PSD3: variants seen among roughly 807,000 people sequenced by gnomAD.
PSD3 encodes PH and SEC7 domain-containing protein 3.
PSD3 carries 49 observed loss-of-function variants against 105.5 expected under a neutral mutation model. The ratio of observed to expected loss-of-function variants is 0.46; its 90% confidence interval spans 0.37 to 0.59. PSD3 has a LOEUF of 0.59. PSD3 is among the 20% of genes least tolerant of loss of function. The pLI is 0.00. For synonymous variants in PSD3, 557 were observed against 457.8 expected (o/e 1.22, Z -2.77); for missense variants, 1,561 against 1,263.8 (o/e 1.24, Z -3.57).
chr8:18,932,410 A>C (rs1407352134), intron 2 of PSD3, among the ~76,000 whole-genome samples: 1 of 152,182 alleles, frequency 6.6e-6, no homozygotes, highest in Non-Finnish European at 1.5e-5. Context: ...TCTAAAAAGC[A>C]AGTTTAGGAC....
Position 18,530,746 on chromosome 8 carries a change from T to C in PSD3, c.*4997A>G, listed in dbSNP as rs1457368376. 2 of 151,980 alleles carry C rather than the reference T, an allele frequency of 1.3e-5. No individual in the cohort carries two copies. The highest frequency in any genetic ancestry group is 2.9e-5 in the Non-Finnish European group (2 of 68,002). 9.4% of individuals were successfully genotyped at this position (151,980 alleles called of 1,614,324 possible). ...AAATTACAGGGAGCTATGCCCTTGG[T>C]ATTGCACACAGTACACTGCAAAAGA... On this transcript the variant is annotated 3_prime_UTR_variant, in exon 16 of 16. Transcript: ENST00000327040.
intron 11 of PSD3, among the ~76,000 whole-genome samples, chr8:18,617,446 G>A (rs13264915): frequency 0.5 from 76,380 of 151,920 alleles, 19,625 homozygotes; most frequent in Middle Eastern, 0.69. Context: ...AAGGTGAATC[G>A]CTTGAACTTG....
Position 18,556,292 on chromosome 8 carries a change from G to A in PSD3, c.2845C>T (p.His949Tyr). 2.5e-6 allele frequency: 4 copies of A among 1,613,986 alleles called. No individual in the cohort carries two copies. Among genetic ancestry groups the A allele is most frequent in the Non-Finnish European group, 3.4e-6 (4 of 1,179,946 alleles). The change falls in exon 15 of 16, where the codon CAC becomes TAC. Residue 949 changes from histidine to tyrosine, a missense_variant. Transcript: ENST00000327040. ...TTCTTGTCGGGGGGATATGAGCGGT[G>A]CTCGGCCAGCTCGGTGGTGATCTGC... The part of the protein sequence containing the change: ...LKQITTELAE[H>Y]RSYPPDKKVK...
At chr8:18,726,297 T>C (rs929992243) in intron 9 of PSD3, among the ~76,000 whole-genome samples, 1 of 152,232 alleles carries the variant, frequency 6.6e-6, no homozygotes, top group Admixed American at 6.5e-5. Context: ...GCCAGAGACA[T>C]TAAGTTACTG....
chr8:18,578,005 A>T (rs148886318), intron 12 of PSD3, among the ~76,000 whole-genome samples: 28 of 152,180 alleles, frequency 1.8e-4, no homozygotes, highest in African/African-American at 6.7e-4. Flanking sequence ...TAGGTATAGA[A>T]CTGGATATAG....
chr8:18,820,210 T>A (rs1169451786), intron 4 of PSD3, among the ~76,000 whole-genome samples: 1 of 151,084 alleles, frequency 6.6e-6, no homozygotes, highest in Non-Finnish European at 1.5e-5. Context: ...TTTAACACCA[T>A]TTTCTCCAAG....
chr8:18,829,182 G>A (rs1813472511), intron 4 of PSD3, among the ~76,000 whole-genome samples: 1 of 152,198 alleles, frequency 6.6e-6, no homozygotes, highest in Non-Finnish European at 1.5e-5. Context: ...ACAGGCTGTA[G>A]TAAGCTGTGA....
At chr8:18,536,349 TC>T (rs955040694) in intron 15 of PSD3, among the ~76,000 whole-genome samples, 2 of 152,124 alleles carry the variant, frequency 1.3e-5, no homozygotes, top group Admixed American at 6.5e-5. Flanking sequence ...CACCTGAGCC[TC>T]CCCAGGTAGT....
In PSD3 at chr8:18,686,771, T is replaced by C. The variant is rs867660269; in HGVS notation, c.2173-31086A>G. ...GGCACTTTAGCTTCCACTCAGCCCA[T>C]GCATGGAAGGCAAGCTTGCCTCCTT... On this transcript the variant is annotated intron_variant, in intron 9 of 15. Coordinates refer to ENST00000327040, the MANE Select transcript of PSD3 (RefSeq NM_015310.4). 3.3e-5 allele frequency among the ~76,000 whole-genome samples: 5 copies of C among 152,260 alleles called. No individual in the cohort carries two copies. The Middle Eastern group carries it at 0.01, about 311-fold the overall frequency.
At chr8:18,960,103 C>A (rs1441528306) in intron 1 of PSD3, among the ~76,000 whole-genome samples, 1 of 152,188 alleles carries the variant, frequency 6.6e-6, no homozygotes, top group Non-Finnish European at 1.5e-5. Context: ...GATTCAACAT[C>A]TACAATAATG....
chr8:18,816,781 G>A (rs1399054790), intron 4 of PSD3, among the ~76,000 whole-genome samples: 1 of 152,134 alleles, frequency 6.6e-6, no homozygotes, highest in Non-Finnish European at 1.5e-5. Context: ...CTCACACACT[G>A]TTCCAGGTAA....
chr8:18,676,200 G>C (rs1480754127), intron 9 of PSD3, among the ~76,000 whole-genome samples: 1 of 152,112 alleles, frequency 6.6e-6, no homozygotes, highest in Non-Finnish European at 1.5e-5. Flanking sequence ...GCATGGACCA[G>C]CATTTTCTCT....
chr8:18,950,995 A>G (rs796501147), intron 1 of PSD3, among the ~76,000 whole-genome samples: 34 of 152,224 alleles, frequency 2.2e-4, no homozygotes, highest in African/African-American at 8.2e-4. Context: ...GATTCTTAGG[A>G]ATGGAGCTGC....
chr8:18,672,389 G>T (rs541498841), intron 9 of PSD3, among the ~76,000 whole-genome samples: 32 of 152,034 alleles, frequency 2.1e-4, no homozygotes, highest in African/African-American at 7.7e-4. Context: ...TAGAGAGAAT[G>T]CCAGGCCTGG....
intron 12 of PSD3, among the ~76,000 whole-genome samples, chr8:18,586,388 T>A (rs1212627575): frequency 6.6e-6 from 1 of 152,152 alleles, no homozygotes; most frequent in African/African-American, 2.4e-5. Context: ...CCATTTGTAA[T>A]GAAGAAATGC....
At chr8:18,715,985 G>A (rs1802561091) in intron 9 of PSD3, among the ~76,000 whole-genome samples, 1 of 152,182 alleles carries the variant, frequency 6.6e-6, no homozygotes, top group Non-Finnish European at 1.5e-5. Flanking sequence ...TACATTGGTT[G>A]CTTCAGGTTG....
At chr8:18,631,925 C>G (rs1183137094) in intron 11 of PSD3, among the ~76,000 whole-genome samples, 2 of 151,960 alleles carry the variant, frequency 1.3e-5, no homozygotes, top group African/African-American at 4.8e-5. Context: ...TTACTCTGTT[C>G]AAGTATATCA....
chr8:18,575,994 T>C (rs1362731096), intron 12 of PSD3, among the ~76,000 whole-genome samples: 1 of 152,126 alleles, frequency 6.6e-6, no homozygotes, highest in Admixed American at 6.6e-5. Flanking sequence ...AAGATAAACA[T>C]GCATTCTGTA....
At chr8:19,050,237 T>C (rs1828474343) in intron 1 of PSD3, among the ~76,000 whole-genome samples, 1 of 152,176 alleles carries the variant, frequency 6.6e-6, no homozygotes, top group Non-Finnish European at 1.5e-5. Context: ...TGCCAGAATG[T>C]CCTTTCTGAG....
Sources: gnomAD v4.1 joint callset for allele counts (sites outside exome capture counted in the v4.1 genomes callset) on GRCh38, gnomAD v4.1.1 for gene constraint, MANE v1.5 for transcripts, NCBI Gene and HGNC (gene_info 2026-07-23, HGNC 2026-07-21) for gene names.